Variants in HMGB1 observed in about 807,000 individuals in gnomAD.
HMGB1 encodes the protein high mobility group protein B1.
For synonymous variants in HMGB1, 81 were observed against 84.0 expected, an observed-to-expected ratio of 0.96 and a Z score of 0.19; for missense variants, 79 against 253.5, an observed-to-expected ratio of 0.31 and a Z score of 4.67.
At position 30,538,787 on chromosome 13, in the gene HMGB1, T is replaced by TCC. The variant is rs1555238948; in HGVS notation, c.-14-75094_-14-75093insGG. Among the ~76,000 whole-genome samples, 356 of 135,760 alleles carry TCC rather than the reference T, an allele frequency of 2.6e-3. 4 individuals carry two copies. Among genetic ancestry groups the TCC allele is most frequent in the Admixed American group, 8.6e-3 (110 of 12,744 alleles). The allele number at this position is 135,760 out of a possible 152,430, so 89.1% of individuals were successfully genotyped here. On this transcript the variant is annotated intron_variant, in intron 1 of 4. Transcript: ENST00000405805. The stretch of plus-strand genomic sequence containing the variant: ...TTTCTCTCTCTCTTTCCTTCTTTCT[T>TCC]TTTCTTTCTTCCTTTCTCTCTCTCT...
Position 30,537,652 on chromosome 13 carries a change from C to CATATATATAT in HMGB1, c.-14-73968_-14-73959dup, listed in dbSNP as rs58424009. On this transcript the variant is annotated intron_variant, in intron 1 of 4. Transcript: ENST00000405805. ...TGGTGGCAATTCATTCATTCTTGTTCATATATATATATATATATATATATA... is the reference window on the plus strand; with the variant it reads ...TGGTGGCAATTCATTCATTCTTGTTCATATATATATATATATATATATATATATATATATA... 5.0e-3 allele frequency among the ~76,000 whole-genome samples: 340 copies of CATATATATAT among 67,942 alleles called. 22 individuals are homozygous for CATATATATAT. Among genetic ancestry groups the CATATATATAT allele is most frequent in the Non-Finnish European group, 9.2e-3 (263 of 28,468 alleles). 44.6% of individuals were successfully genotyped at this position (67,942 alleles called of 152,430 possible). A position where few individuals can be genotyped will look rare whatever the true frequency, so the allele number is the denominator to read the frequency against.
chr13:30,595,303 C>T (rs544844046), intron 1 of HMGB1, among the ~76,000 whole-genome samples: 1 of 152,180 alleles, frequency 6.6e-6, no homozygotes, highest in Admixed American at 6.5e-5. Context: ...GTAATTTGCA[C>T]CTTTCCAAAC....
chr13:30,456,761 G>T lies in HMGB1; in HGVS notation c.*4596C>A, dbSNP rs1389178516. The T allele has an allele frequency of 1.0e-4, 1 of 9,680 alleles. No homozygotes were observed. The highest frequency in any genetic ancestry group is 3.0e-4 in the Non-Finnish European group (1 of 3,284). The allele number at this position is 9,680 out of a possible 1,614,324, so 0.6% of individuals were successfully genotyped here. On this transcript the variant is annotated 3_prime_UTR_variant, in exon 5 of 5. Coordinates refer to ENST00000341423, the MANE Select transcript of HMGB1 (RefSeq NM_002128.7). ...AGCATAAATAACAGCTTTTGTGGGC[G>T]GGGGGGGGGGGTGGTGGGGTGCAAT...
chr13:30,592,487 T>A (rs968158439), intron 1 of HMGB1, among the ~76,000 whole-genome samples: 1 of 152,292 alleles, frequency 6.6e-6, no homozygotes, highest in Admixed American at 6.5e-5. Context: ...CATAGAAGTA[T>A]CTTTAGTAGT....
Position 30,573,922 on chromosome 13 carries a change from G to A in HMGB1, c.-15+42749C>T, listed in dbSNP as rs141770500. On this transcript the variant is annotated intron_variant, in intron 1 of 4. Transcript: ENST00000405805. ...ACCCAACTCAGCCTCCCAAAGTGCT[G>A]GGATTACAGGCGTGAGCCACCGCAC... Among the ~76,000 whole-genome samples, 5 of 152,232 alleles carry A rather than the reference G, an allele frequency of 3.3e-5. No individual in the cohort carries two copies. In the East Asian group the frequency reaches 7.7e-4, roughly 23 times the overall value.
intron 1 of HMGB1, among the ~76,000 whole-genome samples, chr13:30,606,489 A>C (rs1950459935): frequency 6.6e-6 from 1 of 152,182 alleles, no homozygotes; most frequent in African/African-American, 2.4e-5. Flanking sequence ...TGATCATATT[A>C]CATTTGGAAA....
intron 1 of HMGB1, among the ~76,000 whole-genome samples, chr13:30,600,915 C>T (rs1377173778): frequency 6.6e-6 from 1 of 152,146 alleles, no homozygotes; most frequent in Non-Finnish European, 1.5e-5. Context: ...ACTGTCAGGC[C>T]TCTGATCCCA....
At chr13:30,605,947 C>T (rs1359905759) in intron 1 of HMGB1, among the ~76,000 whole-genome samples, 1 of 152,100 alleles carries the variant, frequency 6.6e-6, no homozygotes, top group Non-Finnish European at 1.5e-5. Flanking sequence ...TCCTACATAG[C>T]CATAGTAACC....
In HMGB1 at chr13:30,539,447, G is replaced by A. The variant is rs79342108; in HGVS notation, c.-14-75753C>T. The A allele has an allele frequency of 2.9e-4, 59 of 205,992 alleles. No homozygotes were observed. The East Asian group carries it at 5.7e-3, about 20-fold the overall frequency. The allele number at this position is 205,992 out of a possible 1,614,324, so 12.8% of individuals were successfully genotyped here. A position where few individuals can be genotyped will look rare whatever the true frequency, so the allele number is the denominator to read the frequency against. ...TGAACACGTGTAGAGAAGCATGGCT[G>A]TCCTTCACTGACTGTCCATATCTGA... On this transcript the variant is annotated intron_variant, in intron 1 of 4. Transcript: ENST00000405805.
At position 30,456,766 on chromosome 13, in the gene HMGB1, G is replaced by GGC. The variant is rs1555231113; in HGVS notation, c.*4590_*4591insGC. The GGC allele has an allele frequency of 1.9e-5, 2 of 105,244 alleles. No individual in the cohort carries two copies. Among genetic ancestry groups the GGC allele is most frequent in the East Asian group, 3.1e-4 (1 of 3,232 alleles). The allele number at this position is 105,244 out of a possible 1,614,324, so 6.5% of individuals were successfully genotyped here. On this transcript the variant is annotated 3_prime_UTR_variant, in exon 5 of 5. Coordinates refer to ENST00000341423, the MANE Select transcript of HMGB1 (RefSeq NM_002128.7). ...AAATAACAGCTTTTGTGGGCGGGGGGGGGGGGTGGTGGGGTGCAATTTATC... is the reference window on the plus strand; with the variant it reads ...AAATAACAGCTTTTGTGGGCGGGGGGGCGGGGGGTGGTGGGGTGCAATTTATC...
At chr13:30,566,854 T>G (rs1870204040) in intron 1 of HMGB1, among the ~76,000 whole-genome samples, 1 of 152,212 alleles carries the variant, frequency 6.6e-6, no homozygotes, top group South Asian at 2.1e-4. Flanking sequence ...TTTGAAATAA[T>G]TGGCTAATTA....
In HMGB1 at chr13:30,463,200, T is replaced by A; in HGVS notation, c.296+7A>T. 1 of 1,599,754 alleles carries A rather than the reference T, an allele frequency of 6.3e-7. No homozygotes were observed. Among genetic ancestry groups the A allele is most frequent in the South Asian group, 1.1e-5 (1 of 87,466 alleles). On this transcript the variant is annotated splice_region_variant and intron_variant, in intron 3 of 4. Coordinates refer to ENST00000341423, the MANE Select transcript of HMGB1 (RefSeq NM_002128.7). ...GTCTGGGAAGTAAAAACAGGCAAGATACTCACGGAGGCCTCTTGGGTGCAT... is the reference window on the plus strand; with the variant it reads ...GTCTGGGAAGTAAAAACAGGCAAGAAACTCACGGAGGCCTCTTGGGTGCAT...
intron 1 of HMGB1, among the ~76,000 whole-genome samples, chr13:30,594,481 T>A (rs1871515346): frequency 6.6e-6 from 1 of 152,202 alleles, no homozygotes; most frequent in Admixed American, 6.5e-5. Flanking sequence ...CATGCAGTAT[T>A]TAGTTTTCTT....
chr13:30,464,039 CAACCA>C (rs755503340), intron 1 of HMGB1: 85 of 923,766 alleles, frequency 9.2e-5, no homozygotes, highest in Non-Finnish European at 1.1e-4. Context: ...CATTTTAAAC[CAACCA>C]AACCAAAGGT....
chr13:30,617,175 C>G (rs1950574802), exon 1 of HMGB1: 1 of 152,120 alleles, frequency 6.6e-6, no homozygotes, highest in Non-Finnish European at 1.5e-5. Flanking sequence ...CAGAACGGGT[C>G]GTGGAATGCA....
chr13:30,548,995 T>C (rs1370047878), intron 1 of HMGB1, among the ~76,000 whole-genome samples: 1 of 152,154 alleles, frequency 6.6e-6, no homozygotes, highest in African/African-American at 2.4e-5. Flanking sequence ...TTAGTTTCAA[T>C]GGAATCAAAA....
At chr13:30,569,080 C>T (rs1023776938) in intron 1 of HMGB1, among the ~76,000 whole-genome samples, 4 of 151,986 alleles carry the variant, frequency 2.6e-5, no homozygotes, top group African/African-American at 9.7e-5. Flanking sequence ...GAGGCTGAGG[C>T]AGAAGAATCG....
At chr13:30,512,577 G>A (rs1281200152) in intron 1 of HMGB1, among the ~76,000 whole-genome samples, 3 of 152,216 alleles carry the variant, frequency 2.0e-5, no homozygotes, top group Non-Finnish European at 4.4e-5. Context: ...GCCAGTTGCA[G>A]ATCCCCCTGC....
intron 1 of HMGB1, among the ~76,000 whole-genome samples, chr13:30,501,647 G>A (rs1887738461): frequency 6.6e-6 from 1 of 152,152 alleles, no homozygotes; most frequent in Admixed American, 6.5e-5. Context: ...CACATAATTA[G>A]TAACCACATT....
Sources: gnomAD v4.1 joint callset for allele counts (sites outside exome capture counted in the v4.1 genomes callset) on GRCh38, gnomAD v4.1.1 for gene constraint, MANE v1.5 for transcripts, NCBI Gene and HGNC (gene_info 2026-07-23, HGNC 2026-07-21) for gene names.